Variants in KLF12 observed in about 807,000 individuals in gnomAD.
KLF12 encodes the protein Krueppel-like factor 12.
In KLF12, 9 loss-of-function variants were observed where a neutral mutation model predicts 37.8. The observed-to-expected ratio is 0.24, with a 90% CI of 0.14 to 0.42. The LOEUF (loss-of-function observed/expected upper bound fraction) is 0.42. KLF12 is among the 10% of genes least tolerant of loss of function. The pLI is 1.00. For missense variants in KLF12, 411 were observed against 516.0 expected (o/e 0.80, Z 1.97); for synonymous variants, 208 against 202.1 (o/e 1.03, Z -0.25).
the KLF12 span, among the ~76,000 whole-genome samples, chr13:74,283,945 C>T: frequency 9.9e-5 from 15 of 151,472 alleles, no homozygotes; most frequent in African/African-American, 3.2e-4. Flanking sequence ...CTGCAAGCTC[C>T]GCCTCCTGGG....
chr13:73,868,332 G>C (rs1482614221), intron 3 of KLF12, among the ~76,000 whole-genome samples: 2 of 135,116 alleles, frequency 1.5e-5, no homozygotes, highest in Non-Finnish European at 3.2e-5. Flanking sequence ...GGCGGTGGGG[G>C]GGGGGGGTGA....
intron 3 of KLF12, among the ~76,000 whole-genome samples, chr13:73,874,742 C>T (rs1200542457): frequency 2.0e-5 from 3 of 152,138 alleles, no homozygotes; most frequent in Admixed American, 6.5e-5. Flanking sequence ...AACTAAGAAA[C>T]ATGGGCCAAC....
the KLF12 span, among the ~76,000 whole-genome samples, chr13:74,165,748 T>C: frequency 6.6e-6 from 1 of 152,348 alleles, no homozygotes; most frequent in East Asian, 1.9e-4. Flanking sequence ...GTTTCCCTGA[T>C]GTCTCATTAG....
At position 73,845,880 on chromosome 13, in the gene KLF12, A is replaced by G. The variant is rs752099787; in HGVS notation, c.617T>C (p.Val206Ala). The stretch of plus-strand genomic sequence containing the variant: ...AAGCGGCACGACAATAGTGTTGTTC[A>G]CATTTCCAGGTGACCTTACAGCTGT... Residue 206 changes from valine (V) to alanine (A), a missense_variant, in exon 4 of 8, where the codon GTG becomes GCG. Around this residue, in one of 2 missense-constraint regions of KLF12, gnomAD observed 351 missense variants for 397.8 expected, o/e 0.88. Transcript: ENST00000377669. The G allele has an allele frequency of 1.9e-6, 3 of 1,614,162 alleles. No homozygotes were observed. Among genetic ancestry groups the G allele is most frequent in the Non-Finnish European group, 2.5e-6 (3 of 1,180,000 alleles).
chr13:74,094,026 T>G lies in KLF12; in HGVS notation c.-32+39713A>C, dbSNP rs1875833300. 2.6e-5 allele frequency among the ~76,000 whole-genome samples: 4 copies of G among 151,918 alleles called. No individual in the cohort carries two copies. The East Asian group carries it at 7.7e-4, about 29-fold the overall frequency. On this transcript the variant is annotated intron_variant, in intron 1 of 7. Transcript: ENST00000377669. ...CACAACACAAACATGTATTCAACAC[T>G]TTAAATTAGTATATTTGATACATGC... is the stretch of plus-strand genomic sequence containing the variant.
chr13:73,859,615 T>C (rs183975612), intron 3 of KLF12, among the ~76,000 whole-genome samples: 16 of 152,334 alleles, frequency 1.1e-4, no homozygotes, highest in African/African-American at 2.9e-4. Context: ...TTTAATGGCA[T>C]GATGCAGATG....
At chr13:73,816,808 T>C (rs1883247820) in intron 4 of KLF12, among the ~76,000 whole-genome samples, 1 of 152,132 alleles carries the variant, frequency 6.6e-6, no homozygotes, top group Non-Finnish European at 1.5e-5. Context: ...AGTCAACTTG[T>C]GAAGAAGCCC....
rs907353931 is a variant in KLF12, at chr13:74,035,109, C to T, written c.-31-40056G>A. ...ATATACAGTAATCCCTCAGTATTTG[C>T]GGTTATTGGTTCTAGGACTCCCACC... On this transcript the variant is annotated intron_variant, in intron 1 of 7. Coordinates refer to ENST00000377669, the MANE Select transcript of KLF12 (RefSeq NM_007249.5). Among the ~76,000 whole-genome samples the T allele has an allele frequency of 5.9e-5, 9 of 152,148 alleles. No individual in the cohort carries two copies. In the East Asian group the frequency reaches 1.5e-3, roughly 26 times the overall value.
intron 3 of KLF12, among the ~76,000 whole-genome samples, chr13:73,888,267 T>C (rs1463312308): frequency 2.6e-5 from 4 of 152,172 alleles, no homozygotes; most frequent in South Asian, 2.1e-4. Flanking sequence ...GCCTCCCAAA[T>C]TGTTGCAATT....
At chr13:74,208,911 G>T in the KLF12 span, among the ~76,000 whole-genome samples, 1 of 152,106 alleles carries the variant, frequency 6.6e-6, no homozygotes, top group African/African-American at 2.4e-5. Context: ...CTGTTGTTTG[G>T]TTATCTTTGC....
intron 4 of KLF12, among the ~76,000 whole-genome samples, chr13:73,840,205 C>CA (rs764153314): frequency 2.7e-4 from 41 of 152,238 alleles, no homozygotes; most frequent in Non-Finnish European, 1.3e-4. Flanking sequence ...AAACACGCTC[C>CA]ACCTGCATTC....
At chr13:74,223,447 A>T in the KLF12 span, among the ~76,000 whole-genome samples, 18 of 152,240 alleles carry the variant, frequency 1.2e-4, no homozygotes, top group Non-Finnish European at 2.5e-4. Flanking sequence ...TTTACTCTGG[A>T]TTTCCCAGAT....
At chr13:74,264,322 C>T in the KLF12 span, among the ~76,000 whole-genome samples, 1 of 152,096 alleles carries the variant, frequency 6.6e-6, no homozygotes, top group Non-Finnish European at 1.5e-5. Flanking sequence ...GGGAACTTTA[C>T]CTGATGATGC....
the KLF12 span, among the ~76,000 whole-genome samples, chr13:74,275,681 A>AT: frequency 6.7e-6 from 1 of 149,932 alleles, no homozygotes; most frequent in Non-Finnish European, 1.5e-5. Flanking sequence ...CTTTTTGGGT[A>AT]TTTTTGTTTG....
At chr13:73,794,357 A>G (rs1206610603) in intron 5 of KLF12, among the ~76,000 whole-genome samples, 1 of 152,218 alleles carries the variant, frequency 6.6e-6, no homozygotes, top group Non-Finnish European at 1.5e-5. Flanking sequence ...GCTACTCAGG[A>G]GGCTGAGGTA....
chr13:74,095,279 A>T (rs1875910703), intron 1 of KLF12, among the ~76,000 whole-genome samples: 2 of 152,232 alleles, frequency 1.3e-5, no homozygotes. Context: ...GTTTATAGCA[A>T]TATAATTATA....
At chr13:74,051,048 A>C (rs1006808671) in intron 1 of KLF12, among the ~76,000 whole-genome samples, 5 of 152,162 alleles carry the variant, frequency 3.3e-5, no homozygotes, top group African/African-American at 9.7e-5. Flanking sequence ...TGTTGGTGAG[A>C]CTGCGGAGAA....
chr13:73,806,352 C>T (rs1355000526), intron 5 of KLF12, among the ~76,000 whole-genome samples: 3 of 152,180 alleles, frequency 2.0e-5, no homozygotes, highest in South Asian at 4.2e-4. Flanking sequence ...CCACCCGCCT[C>T]GGCCTCCCAA....
intron 3 of KLF12, among the ~76,000 whole-genome samples, chr13:73,927,084 C>T (rs1294060172): frequency 6.6e-6 from 1 of 152,158 alleles, no homozygotes; most frequent in Non-Finnish European, 1.5e-5. Context: ...AAATATAACA[C>T]AGCTTTTATG....
Sources: allele counts gnomAD v4.1 joint callset (sites outside exome capture counted in the v4.1 genomes callset), GRCh38; gene constraint gnomAD v4.1.1; regional missense constraint gnomAD v4.1.1; transcripts MANE v1.5; gene names NCBI Gene and HGNC (gene_info 2026-07-23, HGNC 2026-07-21).